Variants in TMEFF1 observed in about 807,000 individuals in gnomAD.
The protein encoded by TMEFF1 is transmembrane protein with EGF like and two follistatin like domains 1.
A neutral mutation model predicts 47.5 loss-of-function variants in TMEFF1; 20 were observed. The observed-to-expected ratio is 0.42, with a 90% confidence interval of 0.30 to 0.61. The LOEUF (loss-of-function observed/expected upper bound fraction) is 0.61. TMEFF1 is among the 20% of genes least tolerant of loss of function. The pLI is 0.19. For missense variants in TMEFF1, 411 were observed against 471.1 expected (o/e 0.87, Z 1.18); for synonymous variants, 162 against 166.3 (o/e 0.97, Z 0.20).
At chr9:100,498,298 G>A (rs993694771) in intron 1 of TMEFF1, among the ~76,000 whole-genome samples, 1 of 152,026 alleles carries the variant, frequency 6.6e-6, no homozygotes, top group East Asian at 1.9e-4. Context: ...TGCCTAGAAT[G>A]AATAATGATC....
intron 3 of TMEFF1, 34 bp downstream of exon 3, chr9:100,509,168 A>G: frequency 7.0e-7 from 1 of 1,431,396 alleles, no homozygotes; most frequent in Non-Finnish European, 9.2e-7. Context: ...AAATTTTGGA[A>G]AATATGGTGG....
chr9:100,479,046 A>G (rs1406514766), intron 1 of TMEFF1, among the ~76,000 whole-genome samples: 1 of 152,186 alleles, frequency 6.6e-6, no homozygotes, highest in Non-Finnish European at 1.5e-5. Context: ...AGATTATGAG[A>G]AGTGCCTTAT....
At chr9:100,538,021 A>G (rs1438511845) in intron 5 of TMEFF1, among the ~76,000 whole-genome samples, 1 of 152,188 alleles carries the variant, frequency 6.6e-6, no homozygotes, top group Non-Finnish European at 1.5e-5. Flanking sequence ...GCAAAAATGA[A>G]ATGAGCTTTT....
chr9:100,496,200 G>C (rs1383866538), intron 1 of TMEFF1, among the ~76,000 whole-genome samples: 1 of 152,182 alleles, frequency 6.6e-6, no homozygotes, highest in Non-Finnish European at 1.5e-5. Context: ...CTTTAGAAGG[G>C]ACTGTGCTCA....
intron 6 of TMEFF1, among the ~76,000 whole-genome samples, chr9:100,549,452 G>C (rs991942950): frequency 6.6e-6 from 1 of 152,188 alleles, no homozygotes; most frequent in Non-Finnish European, 1.5e-5. Flanking sequence ...AACCATATCA[G>C]TCAAGTTTGA....
intron 1 of TMEFF1, among the ~76,000 whole-genome samples, chr9:100,476,842 A>G (rs1367867078): frequency 1.3e-5 from 2 of 149,206 alleles, no homozygotes; most frequent in Non-Finnish European, 3.0e-5. Context: ...GACTACAGGC[A>G]CCCGCCACCA....
At chr9:100,553,364 C>T (rs980007119) in intron 7 of TMEFF1, among the ~76,000 whole-genome samples, 8 of 152,138 alleles carry the variant, frequency 5.3e-5, no homozygotes, top group African/African-American at 9.7e-5. Flanking sequence ...TAAATATCCA[C>T]GTCTGCAACA....
chr9:100,576,620 A>T lies in TMEFF1; in HGVS notation c.*20A>T, dbSNP rs367674394. The T allele has an allele frequency of 2.4e-5, 38 of 1,590,012 alleles. No homozygotes were observed. In the African/African-American group the frequency reaches 5.0e-4, roughly 21 times the overall value. On this transcript the variant is annotated 3_prime_UTR_variant, in exon 10 of 10. Coordinates refer to ENST00000374879, the MANE Select transcript of TMEFF1 (RefSeq NM_003692.5). ...GTTTAAACTGATGACTTTTATATGT[A>T]CACTGACCATGTGATGTACATTTAT...
intron 7 of TMEFF1, among the ~76,000 whole-genome samples, chr9:100,552,075 T>C (rs1280041663): frequency 6.6e-6 from 1 of 152,078 alleles, no homozygotes; most frequent in African/African-American, 2.4e-5. Flanking sequence ...GGCTGGAGAA[T>C]AGGAGGCTTA....
chr9:100,543,704 A>AACAC (rs36046142), intron 5 of TMEFF1, among the ~76,000 whole-genome samples: 13,265 of 138,802 alleles, frequency 0.096, 671 homozygotes, highest in South Asian at 0.21. Context: ...GATGAAGTAA[A>AACAC]ACACACACAC....
At chr9:100,576,309 A>G (rs1839352256) in intron 9 of TMEFF1, among the ~76,000 whole-genome samples, 1 of 152,048 alleles carries the variant, frequency 6.6e-6, no homozygotes, top group Non-Finnish European at 1.5e-5. Flanking sequence ...AATCCTCTCA[A>G]CTTCCAGGTT....
intron 1 of TMEFF1, among the ~76,000 whole-genome samples, chr9:100,475,544 C>T (rs1837207030): frequency 2.0e-5 from 3 of 151,994 alleles, no homozygotes; most frequent in Non-Finnish European, 2.9e-5. Flanking sequence ...GCTAATGTGT[C>T]GCGGGTATTT....
chr9:100,574,537 A>G (rs1289442024), intron 9 of TMEFF1, among the ~76,000 whole-genome samples: 1 of 151,606 alleles, frequency 6.6e-6, no homozygotes, highest in Non-Finnish European at 1.5e-5. Context: ...ATGCCTTGCT[A>G]ATTTTTGTAT....
chr9:100,509,715 A>G (rs985150359), intron 3 of TMEFF1, among the ~76,000 whole-genome samples: 3 of 151,460 alleles, frequency 2.0e-5, no homozygotes, highest in Non-Finnish European at 4.4e-5. Context: ...TGGAGCTTGC[A>G]GTGAGCCAAG....
chr9:100,573,009 G>A (rs1218974466), intron 9 of TMEFF1, among the ~76,000 whole-genome samples: 1 of 150,724 alleles, frequency 6.6e-6, no homozygotes, highest in African/African-American at 2.4e-5. Context: ...AAGAGACAGG[G>A]CCTCACTCTG....
chr9:100,535,765 A>G (rs1049631818), intron 5 of TMEFF1, among the ~76,000 whole-genome samples: 1 of 152,218 alleles, frequency 6.6e-6, no homozygotes, highest in Non-Finnish European at 1.5e-5. Context: ...CCGTATCTCA[A>G]AAAACAAAAC....
At chr9:100,505,458 C>CATACCAGG (rs991893797) in intron 2 of TMEFF1, among the ~76,000 whole-genome samples, 6 of 120,152 alleles carry the variant, frequency 5.0e-5, no homozygotes, top group African/African-American at 1.8e-4. Context: ...AAAGCAATTT[C>CATACCAGG]ATACCAGGAG....
chr9:100,531,769 C>T (rs1207021264), intron 5 of TMEFF1, among the ~76,000 whole-genome samples: 6 of 152,298 alleles, frequency 3.9e-5, no homozygotes, highest in South Asian at 2.1e-4. Context: ...AAAAAGAGCC[C>T]GCATTGCCAA....
At chr9:100,530,792 A>G (rs1355814940) in intron 5 of TMEFF1, among the ~76,000 whole-genome samples, 1 of 152,090 alleles carries the variant, frequency 6.6e-6, no homozygotes, top group Non-Finnish European at 1.5e-5. Flanking sequence ...AAAAAAGAGA[A>G]TTTTAGACCA....
Sources: allele counts gnomAD v4.1 joint callset (sites outside exome capture counted in the v4.1 genomes callset), GRCh38; gene constraint gnomAD v4.1.1; transcripts MANE v1.5; gene names NCBI Gene and HGNC (gene_info 2026-07-23, HGNC 2026-07-21).